The following KIF26B variants were observed in gnomAD, a reference collection of about 807,000 sequenced individuals.
KIF26B encodes the protein kinesin family member 26B.
KIF26B carries 63 observed loss-of-function variants against 151.2 expected under a neutral mutation model. The ratio of observed to expected loss-of-function variants is 0.42; its 90% CI spans 0.34 to 0.51. The LOEUF is 0.51. Ranked by LOEUF, KIF26B falls within the 20% of genes least tolerant of loss-of-function variation. The pLI, the probability that KIF26B is intolerant of heterozygous loss-of-function variation, is 0.07. For missense variants in KIF26B, 2,813 were observed against 2,913.6 expected, an observed-to-expected ratio of 0.97 and a Z score of 0.79; for synonymous variants, 1,357 against 1,262.1, an observed-to-expected ratio of 1.08 and a Z score of -1.59.
intron 2 of KIF26B, among the ~76,000 whole-genome samples, chr1:245,216,715 C>G (rs1669653652): frequency 6.6e-6 from 1 of 152,164 alleles, no homozygotes; most frequent in South Asian, 2.1e-4. Context: ...AAATAGGCAT[C>G]ACCCGGCTCT....
chr1:245,181,484 A>T (rs1425065990), intron 2 of KIF26B, among the ~76,000 whole-genome samples: 1 of 151,322 alleles, frequency 6.6e-6, no homozygotes, highest in Non-Finnish European at 1.5e-5. Context: ...TTAGCTCAGG[A>T]GAATTCAGGA....
rs1160364794 is a variant in KIF26B, at chr1:245,239,543, G to A, written c.465+82860G>A. ...GTTTTAGACAGAGTCTCTCTCTGTC[G>A]CCCAGGCTGGAGTGCAGTGGCGTGA... On this transcript the variant is annotated intron_variant, in intron 2 of 14. Coordinates refer to ENST00000407071, the MANE Select transcript of KIF26B (RefSeq NM_018012.4). This position sits in a 1 kb window ranked among gnomAD's most constrained non-coding sequence, Gnocchi z 4.3. Among the ~76,000 whole-genome samples, 3 of 151,982 alleles carry A rather than the reference G, an allele frequency of 2.0e-5. No homozygotes were observed. Among genetic ancestry groups the A allele is most frequent in the Non-Finnish European group, 2.9e-5 (2 of 67,984 alleles).
chr1:245,519,985 A>ATAT (rs1661053692), intron 4 of KIF26B, among the ~76,000 whole-genome samples: 1 of 152,250 alleles, frequency 6.6e-6, no homozygotes, highest in Non-Finnish European at 1.5e-5. Context: ...ATAGCCTAAT[A>ATAT]AGAACATATT....
chr1:245,628,491 A>G (rs1034272295), intron 9 of KIF26B, among the ~76,000 whole-genome samples: 5 of 152,222 alleles, frequency 3.3e-5, no homozygotes, highest in African/African-American at 1.2e-4. Context: ...TCCATCACAT[A>G]AACAGAACCA....
chr1:245,337,074 T>C (rs1171044670), intron 2 of KIF26B, among the ~76,000 whole-genome samples: 2 of 152,134 alleles, frequency 1.3e-5, no homozygotes, highest in African/African-American at 2.4e-5. Context: ...GGCATTTTGG[T>C]TTATCAAGTA....
intron 3 of KIF26B, among the ~76,000 whole-genome samples, chr1:245,371,965 TC>T (rs1254768284): frequency 6.6e-6 from 1 of 152,182 alleles, no homozygotes; most frequent in Non-Finnish European, 1.5e-5. Flanking sequence ...TTTCTTCTGT[TC>T]ATCTGCAGAC....
chr1:245,474,538 AG>A (rs767293189), intron 4 of KIF26B, among the ~76,000 whole-genome samples: 22,116 of 150,430 alleles, frequency 0.15, 1,947 homozygotes, highest in Non-Finnish European at 0.17. Context: ...CAGCCTCCCG[AG>A]TAGCTGGAAT....
chr1:245,291,358 G>C (rs574110811), intron 2 of KIF26B, among the ~76,000 whole-genome samples: 11 of 152,170 alleles, frequency 7.2e-5, no homozygotes, highest in African/African-American at 2.7e-4. Context: ...ACTACTTTGA[G>C]TCCAACAAGT....
At chr1:245,225,426 G>C (rs577756688) in intron 2 of KIF26B, among the ~76,000 whole-genome samples, 2 of 152,220 alleles carry the variant, frequency 1.3e-5, no homozygotes, top group Non-Finnish European at 2.9e-5. Flanking sequence ...GCAGATTCCT[G>C]CAAAGAGCAG....
chr1:245,688,821 C>CGA lies in KIF26B; in HGVS notation c.5824+15_5824+16insAG. ...GCTCCAATCCAGGTAGGCGGCTGGGCGCAGGGACGCGGGTGAGGAGGGCGG... is the reference window on the plus strand; with the variant it reads ...GCTCCAATCCAGGTAGGCGGCTGGGCGAGCAGGGACGCGGGTGAGGAGGGCGG... On this transcript the variant is annotated intron_variant, in intron 12 of 14. Coordinates refer to ENST00000407071, the MANE Select transcript of KIF26B (RefSeq NM_018012.4). 1.3e-6 allele frequency: 2 copies of CGA among 1,553,470 alleles called. No homozygotes were observed. The highest frequency in any genetic ancestry group is 1.7e-6 in the Non-Finnish European group (2 of 1,146,998).
chr1:245,289,721 G>A (rs1020989881), intron 2 of KIF26B, among the ~76,000 whole-genome samples: 1 of 151,830 alleles, frequency 6.6e-6, no homozygotes, highest in Non-Finnish European at 1.5e-5. Context: ...TTTTCTGCAG[G>A]AGAGTTGGGA....
At chr1:245,321,132 C>A (rs138329932) in intron 2 of KIF26B, among the ~76,000 whole-genome samples, 1 of 152,274 alleles carries the variant, frequency 6.6e-6, no homozygotes, top group Admixed American at 6.5e-5. Context: ...ACCCTAAAGC[C>A]CCCTGTTCTC....
intron 4 of KIF26B, among the ~76,000 whole-genome samples, chr1:245,429,928 A>G (rs192734495): frequency 2.6e-5 from 4 of 152,244 alleles, no homozygotes; most frequent in East Asian, 3.9e-4. Flanking sequence ...TTGTTGTTTT[A>G]TAGCCCTAGA....
chr1:245,245,128 G>T (rs1180181592), intron 2 of KIF26B, among the ~76,000 whole-genome samples: 4 of 152,210 alleles, frequency 2.6e-5, no homozygotes, highest in African/African-American at 9.6e-5. Context: ...GCAGTTGCCT[G>T]TTTAGCAGAC....
In KIF26B at chr1:245,698,406, C is replaced by A; in HGVS notation, c.6027+98C>A. On this transcript the variant is annotated intron_variant, in intron 13 of 14. Transcript: ENST00000407071. The surrounding 1 kb of genome is among the most constrained non-coding windows in gnomAD (Gnocchi z 4.0). ...AGGGCCCTGGGGAAGAAAACTCAGA[C>A]CCGGGCTTCCCAGCGGGCTTCTGGC... The A allele has an allele frequency of 8.9e-7, 1 of 1,127,460 alleles. No homozygotes were observed. The highest frequency in any genetic ancestry group is 1.3e-6 in the Non-Finnish European group (1 of 794,108). The allele number at this position is 1,127,460 out of a possible 1,614,324, so 69.8% of individuals were successfully genotyped here. A position where few individuals can be genotyped will look rare whatever the true frequency, so the allele number is the denominator to read the frequency against.
chr1:245,684,845 C>T (rs1004808642), intron 11 of KIF26B, among the ~76,000 whole-genome samples: 3 of 152,220 alleles, frequency 2.0e-5, no homozygotes, highest in African/African-American at 7.2e-5. Context: ...GGAGTCACTC[C>T]CTGGCTGCTG....
At chr1:245,168,281 C>A (rs1015130327) in intron 2 of KIF26B, among the ~76,000 whole-genome samples, 1 of 152,212 alleles carries the variant, frequency 6.6e-6, no homozygotes, top group Non-Finnish European at 1.5e-5. Context: ...CAGCGACCTC[C>A]TTGTCCGTCC....
chr1:245,562,206 T>G lies in KIF26B; in HGVS notation c.1350+21256T>G, dbSNP rs562708352. On this transcript the variant is annotated intron_variant, in intron 5 of 14. Transcript: ENST00000407071. ...GAGGCAGAGAGGGACCTGGGGAGGG[T>G]AGGGAAGGTCACAAATTAAACAGCA... 4.8e-4 allele frequency among the ~76,000 whole-genome samples: 73 copies of G among 151,794 alleles called. No individual in the cohort carries two copies. In the Middle Eastern group the frequency reaches 0.024, roughly 50 times the overall value.
At position 245,278,701 on chromosome 1, in the gene KIF26B, C is replaced by T. The variant is rs12041536; in HGVS notation, c.466-88133C>T. Among the ~76,000 whole-genome samples the T allele has an allele frequency of 2.5e-3, 384 of 152,292 alleles. 14 individuals carry two copies. The East Asian group carries it at 0.05, about 20-fold the overall frequency. ...TTTACACTCTGCTTTTGATGCATCT[C>T]TTGTATTCTGCTTTTCCTCTCTAAA... On this transcript the variant is annotated intron_variant, in intron 2 of 14. Coordinates refer to ENST00000407071, the MANE Select transcript of KIF26B (RefSeq NM_018012.4).
Sources: gnomAD v4.1 joint callset for allele counts (sites outside exome capture counted in the v4.1 genomes callset) on GRCh38, gnomAD v4.1.1 for gene constraint, Gnocchi (gnomAD v3.1) non-coding constraint, MANE v1.5 for transcripts, NCBI Gene and HGNC (gene_info 2026-07-23, HGNC 2026-07-21) for gene names.